PNPLA6: variants seen among roughly 807,000 people sequenced by gnomAD.
The protein encoded by PNPLA6 is patatin like domain 6, lysophospholipase.
PNPLA6 carries 105 observed loss-of-function variants against 153.7 expected under a neutral mutation model. The ratio of observed to expected loss-of-function variants is 0.68; its 90% confidence interval spans 0.58 to 0.80. The LOEUF (loss-of-function observed/expected upper bound fraction) is 0.80, where lower values mean the gene tolerates loss of function less well. Among genes scored for constraint, PNPLA6 ranks in the 30% least tolerant of loss-of-function variants. The pLI is 0.00. For missense variants in PNPLA6, 1,423 were observed against 1,919.3 expected, an observed-to-expected ratio of 0.74 and a Z score of 4.83; for synonymous variants, 825 against 822.2, an observed-to-expected ratio of 1.00 and a Z score of -0.06.
At position 7,555,288 on chromosome 19, in the gene PNPLA6, C is replaced by A; in HGVS notation, c.2857C>A (p.Arg953=). 1 of 1,594,162 alleles carries A rather than the reference C, an allele frequency of 6.3e-7. No homozygotes were observed. Among genetic ancestry groups the A allele is most frequent in the South Asian group, 1.1e-5 (1 of 87,918 alleles). ...GAAGGTTTTCTCCAGGCGCGCGGAC[C>A]GGCACAGCGACTTCTCCCGCTTGGC... is the stretch of plus-strand genomic sequence containing the variant. ...YEKVFSRRAD[R]HSDFSRLARV... is the part of the protein sequence containing the mutation. Residue 953 remains arginine (R), a synonymous_variant, in exon 23 of 32, where the codon CGG becomes AGG. Coordinates refer to ENST00000600737, the MANE Select transcript of PNPLA6 (RefSeq NM_001166114.2). The surrounding 1 kb of genome is among the most constrained non-coding windows in gnomAD (Gnocchi z 6.3).
Position 7,549,929 on chromosome 19 carries a change from T to C in PNPLA6, c.1631T>C (p.Leu544Pro). Residue 544 changes from leucine (L) to proline (P), a missense_variant, in exon 14 of 32, where the codon CTC becomes CCC. Transcript: ENST00000600737. The stretch of plus-strand genomic sequence containing the variant: ...CAGGACGTGAGCCTGCACTTCGTGC[T>C]CTGGGGCTGCCTGCACGTGTACCAG... ...GDQDVSLHFV[L>P]WGCLHVYQRM... 1 of 1,613,706 alleles carries C rather than the reference T, an allele frequency of 6.2e-7. No individual in the cohort carries two copies. Among genetic ancestry groups the C allele is most frequent in the South Asian group, 1.1e-5 (1 of 91,086 alleles).
upstream of PNPLA6, chr19:7,535,394 C>A: frequency 2.5e-6 from 2 of 813,124 alleles, no homozygotes; most frequent in Middle Eastern, 2.2e-4. This position sits in a 1 kb window ranked among gnomAD's most constrained non-coding sequence, Gnocchi z 5.0. Context: ...GCTGGAGACG[C>A]TTCCCCCGCC....
chr19:7,556,158 G>A lies in PNPLA6; in HGVS notation c.3094-295G>A, dbSNP rs1013243355. Among the ~76,000 whole-genome samples the A allele has an allele frequency of 3.5e-5, 5 of 143,084 alleles. 1 individual carries two copies. In the South Asian group the frequency reaches 6.7e-4, roughly 19 times the overall value. The allele number at this position is 143,084 out of a possible 152,430, so 93.9% of individuals were successfully genotyped here. A position where few individuals can be genotyped will look rare whatever the true frequency, so the allele number is the denominator to read the frequency against. On this transcript the variant is annotated intron_variant, in intron 24 of 31. Coordinates refer to ENST00000600737, the MANE Select transcript of PNPLA6 (RefSeq NM_001166114.2). The stretch of plus-strand genomic sequence containing the variant: ...GCTCACTGCAACCTCCACCTCCCAG[G>A]TTCAAGTGATTTATCCGCCTCAGCC...
rs2146060430 is a variant in PNPLA6 at position 7,542,637 on chromosome 19, G to A, written c.1329G>A (p.Glu443=). Residue 443 remains glutamate (E), a synonymous_variant, in exon 11 of 32, where the codon GAG becomes GAA. Coordinates refer to ENST00000600737, the MANE Select transcript of PNPLA6 (RefSeq NM_001166114.2). ...GGATCTCCGTGTCCCTGCAGGAAGA[G>A]GCCTCCGGGGGGTCCCTGGCAGCCC... is the stretch of plus-strand genomic sequence containing the variant. The part of the protein sequence containing the change: ...RGRISVSLQE[E]ASGGSLAAPA... 1 of 1,613,474 alleles carries A rather than the reference G, an allele frequency of 6.2e-7. No homozygotes were observed. The highest frequency in any genetic ancestry group is 8.5e-7 in the Non-Finnish European group (1 of 1,179,986).
chr19:7,555,781 G>T lies in PNPLA6; in HGVS notation c.3093+18G>T. On this transcript the variant is annotated intron_variant, in intron 24 of 31. Transcript: ENST00000600737. This position sits in a 1 kb window ranked among gnomAD's most constrained non-coding sequence, Gnocchi z 6.3. Reference sequence around the variant, plus strand: ...GGGCCAAGGTGTGTGTTGCGAGGAGGGATTGCTGCACCCCAGGAGTGCCAT... The same window carrying T: ...GGGCCAAGGTGTGTGTTGCGAGGAGTGATTGCTGCACCCCAGGAGTGCCAT... 1 of 1,611,678 alleles carries T rather than the reference G, an allele frequency of 6.2e-7. No homozygotes were observed. Among genetic ancestry groups the T allele is most frequent in the Non-Finnish European group, 8.5e-7 (1 of 1,179,598 alleles).
intron 24 of PNPLA6, among the ~76,000 whole-genome samples, chr19:7,556,061 T>A: frequency 8.3e-6 from 1 of 120,014 alleles, no homozygotes; most frequent in South Asian, 2.7e-4. Context: ...TCCTTTTTTT[T>A]TTTTTTTTTT....
Position 7,544,875 on chromosome 19 carries a change from G to A in PNPLA6, c.1608+1791G>A, listed in dbSNP as rs144854878. On this transcript the variant is annotated intron_variant, in intron 13 of 31. Coordinates refer to ENST00000600737, the MANE Select transcript of PNPLA6 (RefSeq NM_001166114.2). Reference sequence around the variant, plus strand: ...GTAAGGTTACCCTGTGGCTTCTTTGGGGGCCCCTGGGCCCTGCTTATCTGG... The same window carrying A: ...GTAAGGTTACCCTGTGGCTTCTTTGAGGGCCCCTGGGCCCTGCTTATCTGG... 7.0e-4 allele frequency among the ~76,000 whole-genome samples: 106 copies of A among 152,210 alleles called. 2 individuals are homozygous for A. The East Asian group carries it at 0.019, about 27-fold the overall frequency.
upstream of PNPLA6, chr19:7,534,996 G>C (rs1466436723): frequency 6.2e-6 from 1 of 160,944 alleles, no homozygotes; most frequent in Non-Finnish European, 1.4e-5. Flanking sequence ...GTCGGGAGCC[G>C]AGTATCTAGG....
chr19:7,552,231 GC>G (rs2023681608), intron 18 of PNPLA6, among the ~76,000 whole-genome samples: 1 of 152,212 alleles, frequency 6.6e-6, no homozygotes, highest in Non-Finnish European at 1.5e-5. Context: ...GGGAGATGTA[GC>G]CCCCTGTTTC....
intron 18 of PNPLA6, among the ~76,000 whole-genome samples, chr19:7,552,771 A>T (rs1330292848): frequency 8.6e-6 from 1 of 116,286 alleles, no homozygotes; most frequent in East Asian, 2.1e-4. Flanking sequence ...AAAAAAAAGA[A>T]AGAAAAAAAA....
chr19:7,550,633 T>C lies in PNPLA6; in HGVS notation c.2063T>C (p.Ile688Thr). The C allele has an allele frequency of 2.5e-6, 4 of 1,611,106 alleles. No individual in the cohort carries two copies. Among genetic ancestry groups the C allele is most frequent in the Non-Finnish European group, 3.4e-6 (4 of 1,179,756 alleles). ...GGCGAGTACGGCCGCGGCGACCTCA[T>C]CGGCGTGGTGAGCGCGACCCCCACC... ...LVGEYGRGDL[I>T]GVVEALTRQP... The change falls in exon 16 of 32, where the codon ATC becomes ACC. Residue 688 changes from isoleucine to threonine, a missense_variant. Transcript: ENST00000600737.
Position 7,554,987 on chromosome 19 carries a change from A to T in PNPLA6, c.2729A>T (p.Glu910Val), listed in dbSNP as rs1168390078. The T allele has an allele frequency of 6.3e-7, 1 of 1,593,276 alleles. No individual in the cohort carries two copies. Among genetic ancestry groups the T allele is most frequent in the East Asian group, 2.2e-5 (1 of 44,610 alleles). Residue 910 changes from glutamate (E) to valine (V), a missense_variant, in exon 22 of 32, where the codon GAG becomes GTG. Coordinates refer to ENST00000600737, the MANE Select transcript of PNPLA6 (RefSeq NM_001166114.2). ...EEGAGPTRTV[E>V]WLNMRSWCSG... ...GGCGCGGGCCCCACGCGCACCGTGG[A>T]GTGGCTAAATATGCGCAGCTGGTGC...
At position 7,541,447 on chromosome 19, in the gene PNPLA6, C is replaced by T. The variant is rs1312718553; in HGVS notation, c.1005+13C>T. The T allele has an allele frequency of 1.1e-5, 18 of 1,612,808 alleles. No individual in the cohort carries two copies. Among genetic ancestry groups the T allele is most frequent in the Non-Finnish European group, 1.5e-5 (18 of 1,179,136 alleles). The stretch of plus-strand genomic sequence containing the variant: ...GCTCTTCAGCCACGTGAGTGGGTGG[C>T]GGGGAGCGAGCACAGGGGGGATGGG... On this transcript the variant is annotated intron_variant, in intron 8 of 31. Transcript: ENST00000600737. This position sits in a 1 kb window ranked among gnomAD's most constrained non-coding sequence, Gnocchi z 5.2.
Position 7,551,427 on chromosome 19 carries a change from A to G in PNPLA6, c.2250A>G (p.Gly750=), listed in dbSNP as rs765629146. 6.2e-7 allele frequency: 1 copy of G among 1,613,752 alleles called. No homozygotes were observed. The highest frequency in any genetic ancestry group is 1.7e-5 in the Admixed American group (1 of 60,002). Reference sequence around the variant, plus strand: ...TAGGGAATTTGCAGCAGCTGCAAGGACCCTTCCCAGGTGAGAGCCGGCCGG... The same window carrying G: ...TAGGGAATTTGCAGCAGCTGCAAGGGCCCTTCCCAGGTGAGAGCCGGCCGG... The part of the protein sequence containing the change: ...KILGNLQQLQ[G]PFPGSGLGVP... Residue 750 remains glycine, a synonymous_variant, in exon 18 of 32, where the codon GGA becomes GGG. Coordinates refer to ENST00000600737, the MANE Select transcript of PNPLA6 (RefSeq NM_001166114.2).
At position 7,535,812 on chromosome 19, in the gene PNPLA6, G is replaced by A; in HGVS notation, c.24G>A (p.Leu8=). MGTSSHG[L]ATNSSGAKVA... is the part of the protein sequence containing the mutation. ...AGATGGGGACATCGAGTCACGGGCT[G>A]GCTACGAACTCCTCGGGGGCGAAGG... Residue 8 remains leucine (L), a synonymous_variant, in exon 1 of 32, where the codon CTG becomes CTA. Transcript: ENST00000600737. This position sits in a 1 kb window ranked among gnomAD's most constrained non-coding sequence, Gnocchi z 5.0. 6.5e-7 allele frequency: 1 copy of A among 1,536,784 alleles called. No homozygotes were observed. Among genetic ancestry groups the A allele is most frequent in the Non-Finnish European group, 8.7e-7 (1 of 1,146,646 alleles).
At position 7,555,239 on chromosome 19, in the gene PNPLA6, C is replaced by A; in HGVS notation, c.2818-10C>A. Reference sequence around the variant, plus strand: ...ATGCTCCTGGGTCGCGACTATCTCCCCCATCCCAGCATGAGCTCTACGAGA... The same window carrying A: ...ATGCTCCTGGGTCGCGACTATCTCCACCATCCCAGCATGAGCTCTACGAGA... On this transcript the variant is annotated splice_polypyrimidine_tract_variant and intron_variant, in intron 22 of 31. Coordinates refer to ENST00000600737, the MANE Select transcript of PNPLA6 (RefSeq NM_001166114.2). The surrounding 1 kb of genome is among the most constrained non-coding windows in gnomAD (Gnocchi z 6.3). 1 of 1,589,762 alleles carries A rather than the reference C, an allele frequency of 6.3e-7. No homozygotes were observed.
rs1329768421 is a variant in PNPLA6, at chr19:7,550,345, T to A, written c.1862T>A (p.Val621Glu). Residue 621 changes from valine to glutamate, a missense_variant, in exon 15 of 32, where the codon GTG becomes GAG. Around this residue, in one of 10 missense-constraint regions of PNPLA6, gnomAD observed 119 missense variants for 163.7 expected, o/e 0.73. Transcript: ENST00000600737. Reference protein sequence around the residue: ...PSVVLSAAHTVAARMSPFVRQ... With the variant: ...PSVVLSAAHTEAARMSPFVRQ... ...GTGGTGCTGAGTGCGGCGCACACGG[T>A]GGCAGCCAGGATGTCGCCCTTCGTG... 1.9e-6 allele frequency: 3 copies of A among 1,612,594 alleles called. No individual in the cohort carries two copies. Among genetic ancestry groups the A allele is most frequent in the Non-Finnish European group, 2.5e-6 (3 of 1,180,034 alleles).
chr19:7,555,475 C>T lies in PNPLA6; in HGVS notation c.2936+108C>T. 1 of 1,353,192 alleles carries T rather than the reference C, an allele frequency of 7.4e-7. No individual in the cohort carries two copies. The highest frequency in any genetic ancestry group is 2.0e-5 in the Admixed American group (1 of 49,670). 83.8% of individuals were successfully genotyped at this position (1,353,192 alleles called of 1,614,324 possible). On this transcript the variant is annotated intron_variant, in intron 23 of 31. Coordinates refer to ENST00000600737, the MANE Select transcript of PNPLA6 (RefSeq NM_001166114.2). The surrounding 1 kb of genome is among the most constrained non-coding windows in gnomAD (Gnocchi z 6.3). ...CTGGGTGTTCGAGGGTGGAGCTTCCCCTCCGGGAGAGACCCCGTGGGTAGG... is the reference window on the plus strand; with the variant it reads ...CTGGGTGTTCGAGGGTGGAGCTTCCTCTCCGGGAGAGACCCCGTGGGTAGG...
intron 13 of PNPLA6, among the ~76,000 whole-genome samples, chr19:7,546,763 G>A (rs758246959): frequency 6.6e-6 from 1 of 152,096 alleles, no homozygotes; most frequent in Non-Finnish European, 1.5e-5. Context: ...TAAAGGTGGG[G>A]TCTCACTATG....
Sources: gnomAD v4.1 joint callset for allele counts (sites outside exome capture counted in the v4.1 genomes callset) on GRCh38, gnomAD v4.1.1 for gene constraint, gnomAD v4.1.1 regional missense constraint, Gnocchi (gnomAD v3.1) non-coding constraint, MANE v1.5 for transcripts, NCBI Gene and HGNC (gene_info 2026-07-23, HGNC 2026-07-21) for gene names.